Variants in JAZF1 observed in about 807,000 individuals in gnomAD.
The protein encoded by JAZF1 is JAZF zinc finger 1.
Under a neutral mutation model 26.4 loss-of-function variants are expected in JAZF1, and 8 were observed. That is an observed-to-expected ratio of 0.30 (90% CI 0.18 to 0.55). The LOEUF is 0.55. Ranked by LOEUF, JAZF1 falls within the 20% of genes least tolerant of loss-of-function variation. JAZF1 has a pLI of 0.94. For synonymous variants in JAZF1, 126 were observed against 122.3 expected (o/e 1.03, Z -0.20); for missense variants, 199 against 322.0 (o/e 0.62, Z 2.92).
At chr7:28,031,135 C>G (rs898544329) in intron 1 of JAZF1, among the ~76,000 whole-genome samples, 2 of 152,120 alleles carry the variant, frequency 1.3e-5, no homozygotes, top group African/African-American at 4.8e-5. Flanking sequence ...ATCTATATCT[C>G]AGGTTCAGCT....
intron 1 of JAZF1, among the ~76,000 whole-genome samples, chr7:28,156,349 A>T (rs1783185269): frequency 6.6e-6 from 1 of 152,230 alleles, no homozygotes; most frequent in African/African-American, 2.4e-5. Flanking sequence ...ATGGGGAGTC[A>T]CTTCGTGGCT....
At chr7:27,996,695 C>T (rs942491401) in intron 1 of JAZF1, among the ~76,000 whole-genome samples, 3 of 152,194 alleles carry the variant, frequency 2.0e-5, no homozygotes, top group African/African-American at 4.8e-5. Context: ...CCTCACTCTG[C>T]ACCACTGTGT....
chr7:27,895,056 ATAAAT>A (rs1377125674), intron 3 of JAZF1, among the ~76,000 whole-genome samples, 159 bp downstream of exon 3: 7 of 152,200 alleles, frequency 4.6e-5, no homozygotes, highest in Non-Finnish European at 8.8e-5. Context: ...TTCTTCAATA[ATAAAT>A]TAAAGAATTT....
chr7:27,880,898 G>A (rs1206777663), intron 3 of JAZF1, among the ~76,000 whole-genome samples: 1 of 152,166 alleles, frequency 6.6e-6, no homozygotes, highest in East Asian at 1.9e-4. Flanking sequence ...GAACTCCTGG[G>A]CTCAAGTGCC....
At chr7:27,998,071 A>AAGGAAGGC (rs10691690) in intron 1 of JAZF1, among the ~76,000 whole-genome samples, 3,608 of 111,186 alleles carry the variant, frequency 0.032, 86 homozygotes, top group South Asian at 0.051. Flanking sequence ...GGAAGGAAGG[A>AAGGAAGGC]AGGCAGGCAG....
intron 2 of JAZF1, among the ~76,000 whole-genome samples, chr7:27,903,120 G>A (rs1461558581): frequency 6.6e-6 from 1 of 151,860 alleles, no homozygotes; most frequent in Non-Finnish European, 1.5e-5. Flanking sequence ...TGGTTACTTT[G>A]GGGCACGGAA....
At chr7:28,041,692 T>A (rs755855159) in intron 1 of JAZF1, among the ~76,000 whole-genome samples, 1 of 152,192 alleles carries the variant, frequency 6.6e-6, no homozygotes, top group African/African-American at 2.4e-5. Flanking sequence ...CCAAGTCTCC[T>A]TGACTACATT....
intron 2 of JAZF1, among the ~76,000 whole-genome samples, chr7:27,917,795 G>A (rs1282058241): frequency 6.6e-6 from 1 of 152,180 alleles, no homozygotes; most frequent in African/African-American, 2.4e-5. Context: ...AGATTTTCAT[G>A]CTATGACAAG....
At chr7:27,979,224 C>A (rs759325585) in intron 2 of JAZF1, among the ~76,000 whole-genome samples, 18 of 151,692 alleles carry the variant, frequency 1.2e-4, no homozygotes, top group Non-Finnish European at 2.1e-4. Flanking sequence ...CTAGGCATGA[C>A]AATTCTTTAC....
chr7:27,925,918 G>C (rs1423915415), intron 2 of JAZF1, among the ~76,000 whole-genome samples: 1 of 152,192 alleles, frequency 6.6e-6, no homozygotes, highest in Non-Finnish European at 1.5e-5. Flanking sequence ...AAAGAAAGGT[G>C]TACTAAAAAC....
chr7:28,128,169 A>G (rs1468665517), intron 1 of JAZF1, among the ~76,000 whole-genome samples: 1 of 152,162 alleles, frequency 6.6e-6, no homozygotes, highest in Admixed American at 6.6e-5. Flanking sequence ...CTTCTAGGTC[A>G]GTGGTTCCCG....
intron 2 of JAZF1, among the ~76,000 whole-genome samples, chr7:27,953,769 A>G (rs1020502413): frequency 6.6e-6 from 1 of 152,244 alleles, no homozygotes; most frequent in African/African-American, 2.4e-5. Context: ...TCTGTAAAAT[A>G]TATACTTATC....
intron 2 of JAZF1, among the ~76,000 whole-genome samples, chr7:27,940,527 T>C (rs571261229): frequency 6.6e-6 from 1 of 152,268 alleles, no homozygotes; most frequent in Non-Finnish European, 1.5e-5. Flanking sequence ...CAGGCACAAT[T>C]AGGCATTGAA....
intron 3 of JAZF1, among the ~76,000 whole-genome samples, chr7:27,846,889 C>G (rs1783040612): frequency 6.6e-6 from 1 of 152,120 alleles, no homozygotes; most frequent in African/African-American, 2.4e-5. Context: ...AAATATTTTC[C>G]CTAATCCATA....
At chr7:27,863,931 C>T (rs1231404226) in intron 3 of JAZF1, 2 of 152,252 alleles carry the variant, frequency 1.3e-5, no homozygotes, top group Admixed American at 6.5e-5. Flanking sequence ...AGAAGTGAAA[C>T]TCACAAGTTG....
chr7:27,952,336 C>A (rs1785024199), intron 2 of JAZF1, among the ~76,000 whole-genome samples: 1 of 152,144 alleles, frequency 6.6e-6, no homozygotes, highest in Non-Finnish European at 1.5e-5. Context: ...GTTTATCAGC[C>A]CTAAATGGGG....
intron 1 of JAZF1, among the ~76,000 whole-genome samples, chr7:28,107,806 C>T (rs1784577912): frequency 6.6e-6 from 1 of 152,182 alleles, no homozygotes; most frequent in South Asian, 2.1e-4. Flanking sequence ...AGAATGCATA[C>T]GGAGTTCCAC....
intron 1 of JAZF1, among the ~76,000 whole-genome samples, chr7:28,167,964 T>A (rs2127953585): frequency 6.6e-6 from 1 of 152,348 alleles, no homozygotes; most frequent in Non-Finnish European, 1.5e-5. Flanking sequence ...CCGCCATTCA[T>A]ACGTGCTTCA....
At chr7:28,147,930 AAAAAG>A (rs1267630654) in intron 1 of JAZF1, among the ~76,000 whole-genome samples, 2 of 151,972 alleles carry the variant, frequency 1.3e-5, no homozygotes, top group Non-Finnish European at 2.9e-5. Flanking sequence ...AAAAGAAAAG[AAAAAG>A]AAATCACTCT....
Sources: allele counts gnomAD v4.1 joint callset (sites outside exome capture counted in the v4.1 genomes callset), GRCh38; gene constraint gnomAD v4.1.1; transcripts MANE v1.5; gene names NCBI Gene and HGNC (gene_info 2026-07-23, HGNC 2026-07-21).